The following RELA variants were observed in gnomAD, a reference collection of about 807,000 sequenced individuals.
RELA encodes RELA proto-oncogene, NF-kB subunit.
RELA carries 14 observed loss-of-function variants against 56.7 expected under a neutral mutation model. The ratio of observed to expected loss-of-function variants is 0.25; its 90% confidence interval spans 0.16 to 0.39. The LOEUF (loss-of-function observed/expected upper bound fraction) is 0.39. Among genes scored for constraint, RELA ranks in the 10% least tolerant of loss-of-function variants. The pLI, the probability that RELA is intolerant of heterozygous loss-of-function variation, is 1.00. For missense variants in RELA, 559 were observed against 736.4 expected, an observed-to-expected ratio of 0.76 and a Z score of 2.79; for synonymous variants, 315 against 289.7, an observed-to-expected ratio of 1.09 and a Z score of -0.89.
At chr11:65,661,597 G>C in intron 4 of RELA, 90 bp downstream of exon 4, 5 of 1,262,514 alleles carry the variant, frequency 4.0e-6, no homozygotes, top group Non-Finnish European at 5.5e-6. Context: ...ATTCTGCCCT[G>C]GGTCCAGAAA....
In RELA at chr11:65,661,518, C is replaced by T. The variant is rs11568293; in HGVS notation, c.335+169G>A. On this transcript the variant is annotated intron_variant, in intron 4 of 10. Coordinates refer to ENST00000406246, the MANE Select transcript of RELA (RefSeq NM_021975.4). The stretch of plus-strand genomic sequence containing the variant: ...CCTGGAACTCATCTGCTAGAGTAAA[C>T]GTACAAATAGATAATTTCAAGACAA... 316 of 597,426 alleles carry T rather than the reference C, an allele frequency of 5.3e-4. 3 individuals carry two copies. The African/African-American group carries it at 5.5e-3, about 10-fold the overall frequency. 37.0% of individuals were successfully genotyped at this position (597,426 alleles called of 1,614,324 possible).
chr11:65,654,822 G>T lies in RELA; in HGVS notation c.1212C>A (p.Ala404=), dbSNP rs1320636130. 2 of 1,543,690 alleles carry T rather than the reference G, an allele frequency of 1.3e-6. No individual in the cohort carries two copies. Among genetic ancestry groups the T allele is most frequent in the Non-Finnish European group, 1.8e-6 (2 of 1,141,100 alleles). The change falls in exon 11 of 11, where the codon GCC becomes GCA. Residue 404 remains alanine (A), a synonymous_variant. Coordinates refer to ENST00000406246, the MANE Select transcript of RELA (RefSeq NM_021975.4). ...APAPAMVSAL[A]QAPAPVPVLA... ...GGACTGGGACAGGGGCTGGGGCCTGGGCCAGAGCTGATACCATGGCTGGAG... is the reference window on the plus strand; with the variant it reads ...GGACTGGGACAGGGGCTGGGGCCTGTGCCAGAGCTGATACCATGGCTGGAG...
chr11:65,661,838 G>A lies in RELA; in HGVS notation c.187-3C>T. 2 of 1,608,372 alleles carry A rather than the reference G, an allele frequency of 1.2e-6. No homozygotes were observed. The highest frequency in any genetic ancestry group is 1.7e-6 in the Non-Finnish European group (2 of 1,176,308). Reference sequence around the variant, plus strand: ...CCTGGTCCTGTGTAGCCATTGATCTGTCCAAAGTACAGAGGCCCAGACATC... The same window carrying A: ...CCTGGTCCTGTGTAGCCATTGATCTATCCAAAGTACAGAGGCCCAGACATC... On this transcript the variant is annotated splice_polypyrimidine_tract_variant and splice_region_variant and intron_variant, in intron 3 of 10. Coordinates refer to ENST00000406246, the MANE Select transcript of RELA (RefSeq NM_021975.4).
intron 5 of RELA, 76 bp from the exon 6 acceptor site, chr11:65,659,873 G>A: frequency 6.6e-7 from 1 of 1,522,724 alleles, no homozygotes; most frequent in Admixed American, 2.0e-5. Flanking sequence ...AGGGAGCTCT[G>A]CGCTGGGAGG....
At position 65,661,656 on chromosome 11, in the gene RELA, T is replaced by G. The variant is rs200156513; in HGVS notation, c.335+31A>C. ...TCATAGCCCGCCTCCTGTCCCCTCA[T>G]GCTGGGCCTCCTAGCCTGCAGGGAC... On this transcript the variant is annotated intron_variant, in intron 4 of 10. Coordinates refer to ENST00000406246, the MANE Select transcript of RELA (RefSeq NM_021975.4). 8.4e-5 allele frequency: 130 copies of G among 1,541,566 alleles called. 1 individual carries two copies. The East Asian group carries it at 1.6e-3, about 19-fold the overall frequency.
chr11:65,656,182 T>C (rs952875182), intron 8 of RELA, among the ~76,000 whole-genome samples: 17 of 152,156 alleles, frequency 1.1e-4, no homozygotes, highest in Admixed American at 1.0e-3. Context: ...GGGGCCATGC[T>C]CTGGGCAAAG....
intron 8 of RELA, among the ~76,000 whole-genome samples, chr11:65,656,357 T>C (rs758067878): frequency 2.0e-5 from 3 of 152,210 alleles, no homozygotes; most frequent in Non-Finnish European, 4.4e-5. Flanking sequence ...TTCTTATCTC[T>C]AATGGTTTCA....
At position 65,658,616 on chromosome 11, in the gene RELA, G is replaced by A. The variant is rs1856488975; in HGVS notation, c.664+102C>T. 7.2e-7 allele frequency: 1 copy of A among 1,387,996 alleles called. No homozygotes were observed. The highest frequency in any genetic ancestry group is 1.2e-5 in the South Asian group (1 of 84,070). 86.0% of individuals were successfully genotyped at this position (1,387,996 alleles called of 1,614,324 possible). A position where few individuals can be genotyped will look rare whatever the true frequency, so the allele number is the denominator to read the frequency against. On this transcript the variant is annotated intron_variant, in intron 7 of 10. Transcript: ENST00000406246. This position sits in a 1 kb window ranked among gnomAD's most constrained non-coding sequence, Gnocchi z 4.5. The stretch of plus-strand genomic sequence containing the variant: ...CCTTCGGCCCACCTGAGGCCCCCGA[G>A]GCACAGGAGGAAGTATCCAAAGCCA...
chr11:65,663,374 C>A (rs1856623256), upstream of RELA, among the ~76,000 whole-genome samples: 1 of 152,324 alleles, frequency 6.6e-6, no homozygotes, highest in Non-Finnish European at 1.5e-5. Context: ...AGGTGCCTTT[C>A]GGTGGTGGCT....
At position 65,658,331 on chromosome 11, in the gene RELA, C is replaced by T. The variant is rs149254469; in HGVS notation, c.833G>A (p.Arg278Gln). 6.0e-5 allele frequency: 97 copies of T among 1,611,282 alleles called. No individual in the cohort carries two copies. In the African/African-American group the frequency reaches 1.0e-3, roughly 17 times the overall value. Residue 278 changes from arginine to glutamine, a missense_variant, in exon 8 of 11, where the codon CGG (arginine) becomes CAG (glutamine). Around this residue, in one of 4 missense-constraint regions of RELA, gnomAD observed 365 missense variants for 387.5 expected, o/e 0.94. Transcript: ENST00000406246. The surrounding 1 kb of genome is among the most constrained non-coding windows in gnomAD (Gnocchi z 4.5). ...VSMQLRRPSD[R>Q]ELSEPMEFQY... is the part of the protein sequence containing the mutation. ...GAATTCCATGGGCTCACTGAGCTCC[C>T]GGTCGGAAGGCCGCCGCAGCTGCAT...
At chr11:65,655,274 T>A (rs1357719765) in intron 10 of RELA, 2 of 568,946 alleles carry the variant, frequency 3.5e-6, no homozygotes, top group African/African-American at 1.9e-5. Context: ...TAAGCTGGAC[T>A]CCTCAGTTTA....
chr11:65,654,472 G>A lies in RELA; in HGVS notation c.1562C>T (p.Pro521Leu), dbSNP rs1345948863. The A allele has an allele frequency of 5.0e-6, 8 of 1,603,706 alleles. No homozygotes were observed. Among genetic ancestry groups the A allele is most frequent in the Non-Finnish European group, 6.8e-6 (8 of 1,176,310 alleles). Residue 521 changes from proline to leucine, a missense_variant, in exon 11 of 11, where the codon CCG becomes CTG. Pro to Leu is a moderately conservative substitution (Grantham distance 98). Coordinates refer to ENST00000406246, the MANE Select transcript of RELA (RefSeq NM_021975.4). The stretch of plus-strand genomic sequence containing the variant: ...TGAAAGGAGGCCATTGGGGAGCCCC[G>A]GGGCCCCCAGTGGAGCAGGAGCTGG... ...PDPAPAPLGAPGLPNGLLSGD... is the reference protein window; with the variant it reads ...PDPAPAPLGALGLPNGLLSGD...
rs1360272127 is a variant in RELA at position 65,653,658 on chromosome 11, T to G, written c.*720A>C. On this transcript the variant is annotated 3_prime_UTR_variant, in exon 11 of 11. Transcript: ENST00000406246. The stretch of plus-strand genomic sequence containing the variant: ...AGAAAGAGCAAGAGTCCAAGTGCTT[T>G]GATTGTTCAGTAAAAACTATGCCTC... 6.6e-6 allele frequency: 1 copy of G among 152,538 alleles called. No homozygotes were observed. The highest frequency in any genetic ancestry group is 1.5e-5 in the Non-Finnish European group (1 of 68,130). The allele number at this position is 152,538 out of a possible 1,614,324, so 9.4% of individuals were successfully genotyped here.
intron 3 of RELA, 25 bp downstream of exon 3, chr11:65,661,912 C>G (rs754850782): frequency 6.2e-7 from 1 of 1,608,920 alleles, no homozygotes; most frequent in East Asian, 2.2e-5. Flanking sequence ...AGTCCCTTCC[C>G]CGCACACCCT....
chr11:65,654,394 C>T lies in RELA; in HGVS notation c.1640G>A (p.Ser547Asn). The T allele has an allele frequency of 6.2e-7, 1 of 1,612,886 alleles. No individual in the cohort carries two copies. Among genetic ancestry groups the T allele is most frequent in the Non-Finnish European group, 8.5e-7 (1 of 1,179,532 alleles). ...GTCACCCCCTTAGGAGCTGATCTGACTCAGCAGGGCTGAGAAGTCCATGTC... is the reference window on the plus strand; with the variant it reads ...GTCACCCCCTTAGGAGCTGATCTGATTCAGCAGGGCTGAGAAGTCCATGTC... Reference protein sequence around the residue: ...IADMDFSALLSQISS With the variant: ...IADMDFSALLNQISS The change falls in exon 11 of 11, where the codon AGT (serine) becomes AAT (asparagine). Residue 547 changes from serine to asparagine, a missense_variant. Transcript: ENST00000406246.
intron 10 of RELA, 135 bp from the exon 11 acceptor site, chr11:65,655,135 T>C (rs1206255804): frequency 4.1e-6 from 3 of 724,812 alleles, no homozygotes; most frequent in East Asian, 5.4e-5. Context: ...CCCTATCTCC[T>C]TCCTCTTACC....
upstream of RELA, chr11:65,662,937 G>T (rs1590941339): frequency 2.0e-6 from 2 of 979,152 alleles, no homozygotes; most frequent in African/African-American, 3.4e-5. Context: ...GCCCGCCGTC[G>T]CGTCACTGCC....
In RELA at chr11:65,661,920, C is replaced by G; in HGVS notation, c.186+17G>C. ...GTTCCACAGTCCCTTCCCCGCACAC[C>G]CTGGCGCAGTGCTGACCTTGATGGT... On this transcript the variant is annotated intron_variant, in intron 3 of 10. Transcript: ENST00000406246. The G allele has an allele frequency of 6.2e-7, 1 of 1,611,352 alleles. No individual in the cohort carries two copies. The highest frequency in any genetic ancestry group is 8.5e-7 in the Non-Finnish European group (1 of 1,178,414).
In RELA at chr11:65,655,703, A is replaced by G. The variant is rs1411351659; in HGVS notation, c.1018T>C (p.Ser340Pro). ...RIAVPSRSSA[S>P]VPKPAPQPYP... is the part of the protein sequence containing the mutation. ...AAATCCTTACCTGGCTTGGGGACAG[A>G]AGCTGAGCTGCGGGAAGGCACAGCA... The change falls in exon 10 of 11, where the codon TCT (serine) becomes CCT (proline). Residue 340 changes from serine to proline, a missense_variant. Around this residue, in one of 4 missense-constraint regions of RELA, gnomAD observed 365 missense variants for 387.5 expected, o/e 0.94. Transcript: ENST00000406246. 6.2e-7 allele frequency: 1 copy of G among 1,613,930 alleles called. No individual in the cohort carries two copies. Among genetic ancestry groups the G allele is most frequent in the African/African-American group, 1.3e-5 (1 of 74,894 alleles).
Sources: allele counts gnomAD v4.1 joint callset (sites outside exome capture counted in the v4.1 genomes callset), GRCh38; gene constraint gnomAD v4.1.1; regional missense constraint gnomAD v4.1.1; non-coding constraint Gnocchi (gnomAD v3.1); transcripts MANE v1.5; gene names NCBI Gene and HGNC (gene_info 2026-07-23, HGNC 2026-07-21).